PTPRD: variants seen among roughly 807,000 people sequenced by gnomAD.
PTPRD encodes protein tyrosine phosphatase receptor type D.
Under a neutral mutation model 214.5 loss-of-function variants are expected in PTPRD, and 34 were observed. The observed-to-expected ratio is 0.16, with a 90% CI of 0.12 to 0.21. PTPRD has a LOEUF of 0.21. Ranked by LOEUF, PTPRD falls within the 10% of genes least tolerant of loss-of-function variation. PTPRD has a pLI of 1.00. For missense variants in PTPRD, 2,545 were observed against 2,398.7 expected, an observed-to-expected ratio of 1.06 and a Z score of -1.27; for synonymous variants, 1,128 against 845.7, an observed-to-expected ratio of 1.33 and a Z score of -5.79.
At chr9:9,092,590 C>A (rs1164941446) in intron 10 of PTPRD, among the ~76,000 whole-genome samples, 1 of 151,944 alleles carries the variant, frequency 6.6e-6, no homozygotes, top group Non-Finnish European at 1.5e-5. Context: ...AAAAGTTATT[C>A]TATTCACTTA....
Position 8,336,794 on chromosome 9 carries a change from T to C in PTPRD, c.5379+2128A>G, listed in dbSNP as rs527766532. Among the ~76,000 whole-genome samples, 67 of 152,212 alleles carry C rather than the reference T, an allele frequency of 4.4e-4. No homozygotes were observed. The South Asian group carries it at 0.013, about 30-fold the overall frequency. Reference sequence around the variant, plus strand: ...ACCTCATCAAAAAGTGGGCAAAGGATATGAACAGACACTTCTCAGAAGAAG... The same window carrying C: ...ACCTCATCAAAAAGTGGGCAAAGGACATGAACAGACACTTCTCAGAAGAAG... On this transcript the variant is annotated intron_variant, in intron 43 of 45. Coordinates refer to ENST00000381196, the MANE Select transcript of PTPRD (RefSeq NM_002839.4).
chr9:10,476,347 A>C (rs1045330535), intron 2 of PTPRD, among the ~76,000 whole-genome samples: 16 of 152,148 alleles, frequency 1.1e-4, no homozygotes, highest in African/African-American at 3.9e-4. Flanking sequence ...ATAGTAGACA[A>C]ACAGAAAGCC....
chr9:10,002,905 C>T (rs1283183641), intron 4 of PTPRD, among the ~76,000 whole-genome samples: 1 of 151,582 alleles, frequency 6.6e-6, no homozygotes, highest in African/African-American at 2.4e-5. Flanking sequence ...GAACATTCTT[C>T]AGGATGTATC....
chr9:8,987,032 C>T (rs2099348144), intron 11 of PTPRD, among the ~76,000 whole-genome samples: 1 of 152,028 alleles, frequency 6.6e-6, no homozygotes, highest in African/African-American at 2.4e-5. Context: ...AAGATGGTCA[C>T]TAATAAATAA....
At chr9:10,142,412 T>C (rs1024642264) in intron 3 of PTPRD, among the ~76,000 whole-genome samples, 2 of 150,642 alleles carry the variant, frequency 1.3e-5, no homozygotes, top group East Asian at 4.0e-4. Flanking sequence ...TACAATGAAC[T>C]CAAACAAATT....
At chr9:9,982,473 G>A (rs2095573938) in intron 4 of PTPRD, among the ~76,000 whole-genome samples, 1 of 41,050 alleles carries the variant, frequency 2.4e-5, no homozygotes, top group Non-Finnish European at 4.3e-5. Context: ...TGTGGTGGTG[G>A]TGGTGTGTGT....
chr9:10,545,169 C>G (rs2059928919), intron 2 of PTPRD, among the ~76,000 whole-genome samples: 1 of 152,164 alleles, frequency 6.6e-6, no homozygotes, highest in African/African-American at 2.4e-5. Flanking sequence ...CTCTTTCATA[C>G]AAGGCCTACA....
At chr9:9,501,989 G>A (rs1040944935) in intron 8 of PTPRD, among the ~76,000 whole-genome samples, 1 of 151,692 alleles carries the variant, frequency 6.6e-6, no homozygotes, top group African/African-American at 2.4e-5. Context: ...AGGTATGATT[G>A]ACATACACAT....
chr9:10,409,527 TACTC>T (rs1423397282), intron 2 of PTPRD, among the ~76,000 whole-genome samples: 1 of 151,800 alleles, frequency 6.6e-6, no homozygotes, highest in Non-Finnish European at 1.5e-5. Flanking sequence ...GCTAAACTCT[TACTC>T]ACTTTTAAAA....
chr9:8,677,467 A>T (rs975980593), intron 12 of PTPRD, among the ~76,000 whole-genome samples: 2 of 152,316 alleles, frequency 1.3e-5, no homozygotes, highest in South Asian at 2.1e-4. Flanking sequence ...CGGGAGCTAA[A>T]CATTGAGTAC....
chr9:9,702,168 C>T (rs113879660), intron 7 of PTPRD, among the ~76,000 whole-genome samples: 49 of 152,042 alleles, frequency 3.2e-4, no homozygotes, highest in African/African-American at 1.1e-3. Context: ...ACTAAAGTAT[C>T]ATGATGACGA....
chr9:10,470,960 T>A (rs2099027029), intron 2 of PTPRD, among the ~76,000 whole-genome samples: 1 of 152,170 alleles, frequency 6.6e-6, no homozygotes, highest in South Asian at 2.1e-4. Flanking sequence ...GATGGAATAT[T>A]ATGCAGCCAT....
chr9:9,749,849 A>G (rs1158711557), intron 6 of PTPRD, among the ~76,000 whole-genome samples: 1 of 152,150 alleles, frequency 6.6e-6, no homozygotes, highest in Non-Finnish European at 1.5e-5. Flanking sequence ...AAAGAGGAGG[A>G]AGAAAGAAAA....
chr9:9,271,765 T>A (rs1943036099), intron 9 of PTPRD, among the ~76,000 whole-genome samples: 1 of 151,346 alleles, frequency 6.6e-6, no homozygotes, highest in South Asian at 2.1e-4. Flanking sequence ...CAAATAGAAT[T>A]CATGGATTTT....
chr9:8,498,438 T>C (rs1052447879), intron 25 of PTPRD, among the ~76,000 whole-genome samples: 1 of 152,036 alleles, frequency 6.6e-6, no homozygotes, highest in African/African-American at 2.4e-5. Flanking sequence ...CCGCCACGCC[T>C]GGCTAATTTT....
chr9:9,596,480 T>A (rs543721474), intron 7 of PTPRD, among the ~76,000 whole-genome samples: 10 of 152,144 alleles, frequency 6.6e-5, no homozygotes, highest in African/African-American at 2.4e-4. Flanking sequence ...TTTACAAAGG[T>A]TGTTATTGCT....
intron 7 of PTPRD, among the ~76,000 whole-genome samples, chr9:9,588,063 T>G (rs2092291187): frequency 6.6e-6 from 1 of 151,974 alleles, no homozygotes; most frequent in African/African-American, 2.4e-5. Flanking sequence ...ATATCCTGAC[T>G]TGATCATAAC....
intron 35 of PTPRD, among the ~76,000 whole-genome samples, chr9:8,414,661 C>T (rs1386357584): frequency 3.3e-5 from 5 of 151,836 alleles, no homozygotes; most frequent in Non-Finnish European, 7.4e-5. Context: ...CAGTTTACAC[C>T]TACTGTCCCA....
At chr9:9,741,590 T>C (rs1177624198) in intron 6 of PTPRD, among the ~76,000 whole-genome samples, 1 of 152,204 alleles carries the variant, frequency 6.6e-6, no homozygotes, top group Admixed American at 6.5e-5. Flanking sequence ...TTTCTCCTAA[T>C]GCTATCCCTC....
Sources: allele counts gnomAD v4.1 joint callset (sites outside exome capture counted in the v4.1 genomes callset), GRCh38; gene constraint gnomAD v4.1.1; transcripts MANE v1.5; gene names NCBI Gene and HGNC (gene_info 2026-07-23, HGNC 2026-07-21).